The following SPAST variants were observed in gnomAD, a reference collection of about 807,000 sequenced individuals.
SPAST encodes the protein spastin.
Under a neutral mutation model 76.6 loss-of-function variants are expected in SPAST, and 30 were observed. The observed-to-expected ratio is 0.39, with a 90% CI of 0.29 to 0.53. The LOEUF is 0.53. SPAST is among the 20% of genes least tolerant of loss of function. SPAST has a pLI of 0.68. For missense variants in SPAST, 717 were observed against 770.5 expected, an observed-to-expected ratio of 0.93 and a Z score of 0.82; for synonymous variants, 305 against 281.0, an observed-to-expected ratio of 1.09 and a Z score of -0.86.
At chr2:32,113,659 G>T (rs1160203663) in intron 4 of SPAST, among the ~76,000 whole-genome samples, 1 of 143,818 alleles carries the variant, frequency 7.0e-6, no homozygotes, top group Admixed American at 7.3e-5. Context: ...TCCGCCTCCT[G>T]AGTTCAAGTG....
rs956648665 is a variant in SPAST, at chr2:32,126,885, T to C, written c.1099-63T>C. 5.3e-6 allele frequency: 6 copies of C among 1,131,012 alleles called. No individual in the cohort carries two copies. The African/African-American group carries it at 6.1e-5, about 12-fold the overall frequency. The allele number at this position is 1,131,012 out of a possible 1,614,324, so 70.1% of individuals were successfully genotyped here. ...TACTGAAAAAAGGATGCTTTTTAGA[T>C]GGCAAAGAGTACTTAAAATGTCTCT... On this transcript the variant is annotated intron_variant, in intron 7 of 16. Transcript: ENST00000315285.
At chr2:32,099,375 A>C (rs1414752178) in intron 4 of SPAST, among the ~76,000 whole-genome samples, 1 of 152,226 alleles carries the variant, frequency 6.6e-6, no homozygotes, top group Non-Finnish European at 1.5e-5. Context: ...GAAACATTAC[A>C]GTATTATTTG....
rs1175020312 is a variant in SPAST, at chr2:32,154,508, T to A, written c.*12T>A. 3.7e-6 allele frequency: 6 copies of A among 1,613,290 alleles called. No homozygotes were observed. Among genetic ancestry groups the A allele is most frequent in the African/African-American group, 1.3e-5 (1 of 74,920 alleles). ...ATACCACTGTTTAAGGAAATACCTTTGTAAACCTGCAGAACATTTTACTTA... is the reference window on the plus strand; with the variant it reads ...ATACCACTGTTTAAGGAAATACCTTAGTAAACCTGCAGAACATTTTACTTA... On this transcript the variant is annotated 3_prime_UTR_variant, in exon 17 of 17. Coordinates refer to ENST00000315285, the MANE Select transcript of SPAST (RefSeq NM_014946.4).
chr2:32,133,592 T>C (rs951255024), intron 9 of SPAST, among the ~76,000 whole-genome samples: 18 of 152,192 alleles, frequency 1.2e-4, no homozygotes, highest in African/African-American at 4.1e-4. Context: ...TGTGCTTTTT[T>C]ACACAGATTT....
chr2:32,117,531 C>CT (rs11431890), intron 7 of SPAST, among the ~76,000 whole-genome samples: 53,465 of 127,550 alleles, frequency 0.42, 11,365 homozygotes, highest in East Asian at 0.64. Context: ...TAGAATAATT[C>CT]TTTTTTTTTT....
chr2:32,094,421 A>G (rs781326916), intron 3 of SPAST, among the ~76,000 whole-genome samples: 2 of 152,120 alleles, frequency 1.3e-5, no homozygotes, highest in Non-Finnish European at 2.9e-5. Flanking sequence ...AGAAGTTGCC[A>G]TGAGTTAGCC....
chr2:32,114,673 A>G lies in SPAST; in HGVS notation c.718A>G (p.Thr240Ala), dbSNP rs752959206. 1 of 1,614,164 alleles carries G rather than the reference A, an allele frequency of 6.2e-7. No individual in the cohort carries two copies. Among genetic ancestry groups the G allele is most frequent in the African/African-American group, 1.3e-5 (1 of 75,058 alleles). ...TGTTCCAAAAAGAAAAGACCCCTTA[A>G]CACACACTAGTAATTCACTGCCTCG... ...GAVPKRKDPL[T>A]HTSNSLPRSK... is the part of the protein sequence containing the mutation. The change falls in exon 5 of 17, where the codon ACA becomes GCA. Residue 240 changes from threonine (T) to alanine (A), a missense_variant. Physicochemically the swap from Thr to Ala is moderately conservative, Grantham distance 58 (BLOSUM62 0). Around this residue, in one of 3 missense-constraint regions of SPAST, gnomAD observed 543 missense variants for 445.2 expected, o/e 1.22. Transcript: ENST00000315285.
chr2:32,112,889 G>A (rs1678670325), intron 4 of SPAST, among the ~76,000 whole-genome samples: 1 of 151,866 alleles, frequency 6.6e-6, no homozygotes, highest in Non-Finnish European at 1.5e-5. Flanking sequence ...TGTCTTCACA[G>A]TAAACATTGT....
chr2:32,082,683 C>T (rs1157036142), intron 1 of SPAST, among the ~76,000 whole-genome samples: 5 of 151,284 alleles, frequency 3.3e-5, no homozygotes, highest in South Asian at 4.2e-4. Context: ...GCAACAAGAG[C>T]GAAATTCCAT....
chr2:32,114,956 A>AG (rs1448818175), intron 5 of SPAST, 131 bp downstream of exon 5: 2 of 555,928 alleles, frequency 3.6e-6, no homozygotes, highest in African/African-American at 3.1e-5. Flanking sequence ...CATAAAGTTA[A>AG]ATTTTTTTTT....
intron 16 of SPAST, 57 bp downstream of exon 16, chr2:32,147,315 G>GACAC: frequency 2.6e-6 from 2 of 755,282 alleles, no homozygotes; most frequent in Non-Finnish European, 4.5e-6. Context: ...ACATATATAA[G>GACAC]ACATACATAT....
chr2:32,120,595 G>A (rs1260669728), intron 7 of SPAST, among the ~76,000 whole-genome samples: 13 of 114,848 alleles, frequency 1.1e-4, no homozygotes, highest in Admixed American at 5.1e-4. Context: ...TTTTTTCCCA[G>A]AATACCTTTT....
At chr2:32,070,798 T>C (rs961886502) in intron 1 of SPAST, among the ~76,000 whole-genome samples, 1 of 152,176 alleles carries the variant, frequency 6.6e-6, no homozygotes, top group African/African-American at 2.4e-5. Flanking sequence ...CTTGGCTGAT[T>C]TTTTAATTTT....
chr2:32,125,895 C>T (rs776033812), intron 7 of SPAST, among the ~76,000 whole-genome samples: 3 of 152,038 alleles, frequency 2.0e-5, no homozygotes, highest in Non-Finnish European at 2.9e-5. Flanking sequence ...CCCGGGTTCA[C>T]GCCATTTTCC....
At chr2:32,149,488 G>T (rs1680005449) in intron 16 of SPAST, among the ~76,000 whole-genome samples, 1 of 151,962 alleles carries the variant, frequency 6.6e-6, no homozygotes, top group African/African-American at 2.4e-5. Flanking sequence ...TATAAAATTG[G>T]GTATGCAGAA....
At chr2:32,074,128 G>A (rs781099584) in intron 1 of SPAST, among the ~76,000 whole-genome samples, 1 of 152,152 alleles carries the variant, frequency 6.6e-6, no homozygotes, top group Non-Finnish European at 1.5e-5. Context: ...ATTTTAAGGA[G>A]GGTTTAAAGA....
chr2:32,076,470 C>T (rs1676965787), intron 1 of SPAST, among the ~76,000 whole-genome samples: 1 of 152,134 alleles, frequency 6.6e-6, no homozygotes, highest in Non-Finnish European at 1.5e-5. Context: ...AATCCTCCTA[C>T]CTCAGTCTTC....
chr2:32,098,263 T>C (rs1250022674), intron 3 of SPAST, among the ~76,000 whole-genome samples: 1 of 152,046 alleles, frequency 6.6e-6, no homozygotes, highest in Non-Finnish European at 1.5e-5. Flanking sequence ...GCCAGGAGCT[T>C]GAGCCCAGCC....
In SPAST at chr2:32,110,491, ATATATATAG is replaced by A. The variant is rs1291759775; in HGVS notation, c.683-4129_683-4121del. ...AAAATAACTATATGTATATGTAACT[ATATATATAG>A]TATATATAGTATATATATACTATAT... On this transcript the variant is annotated intron_variant, in intron 4 of 16. Transcript: ENST00000315285. 2.5e-3 allele frequency among the ~76,000 whole-genome samples: 353 copies of A among 141,714 alleles called. 3 individuals carry two copies. The highest frequency in any genetic ancestry group is 6.0e-3 in the Admixed American group (82 of 13,568). 93.0% of individuals were successfully genotyped at this position (141,714 alleles called of 152,430 possible).
Sources: gnomAD v4.1 joint callset for allele counts (sites outside exome capture counted in the v4.1 genomes callset) on GRCh38, gnomAD v4.1.1 for gene constraint, gnomAD v4.1.1 regional missense constraint, MANE v1.5 for transcripts, NCBI Gene and HGNC (gene_info 2026-07-23, HGNC 2026-07-21) for gene names.